MAN2B1: variants seen among roughly 807,000 people sequenced by gnomAD.
The protein encoded by MAN2B1 is lysosomal alpha-mannosidase.
A neutral mutation model predicts 127.5 loss-of-function variants in MAN2B1; 99 were observed. The ratio of observed to expected loss-of-function variants is 0.78; its 90% CI spans 0.66 to 0.92. The LOEUF (loss-of-function observed/expected upper bound fraction) is 0.92. Among genes scored for constraint, MAN2B1 ranks in the 40% least tolerant of loss-of-function variants. The pLI is 0.00. For missense variants in MAN2B1, 1,304 were observed against 1,384.8 expected (o/e 0.94, Z 0.93); for synonymous variants, 573 against 568.8 (o/e 1.01, Z -0.11).
In MAN2B1 at chr19:12,664,773, G is replaced by A; in HGVS notation, c.630+19C>T. On this transcript the variant is annotated intron_variant, in intron 4 of 23. Transcript: ENST00000456935. ...AGAGTGAGTGAAGAAGTGGGCCCAA[G>A]AGAGGTCCCGGGTCGCACCTGCGCA... The A allele has an allele frequency of 1.2e-6, 2 of 1,608,520 alleles. No individual in the cohort carries two copies. The highest frequency in any genetic ancestry group is 2.2e-5 in the South Asian group (2 of 90,366).
chr19:12,648,891 A>C (rs545378214), intron 20 of MAN2B1, among the ~76,000 whole-genome samples: 1 of 152,210 alleles, frequency 6.6e-6, no homozygotes, highest in Non-Finnish European at 1.5e-5. Context: ...GCTACTCGGA[A>C]GGCTGAGGCA....
At chr19:12,665,133 A>G in intron 3 of MAN2B1, 148 bp from the exon 4 acceptor site, 1 of 1,024,816 alleles carries the variant, frequency 9.8e-7, no homozygotes, top group African/African-American at 1.6e-5. Context: ...GTTCCCAGAT[A>G]TGGGAAAGAG....
chr19:12,649,356 G>A lies in MAN2B1; in HGVS notation c.2340C>T (p.Thr780=), dbSNP rs767516712. The A allele has an allele frequency of 6.2e-7, 1 of 1,613,678 alleles. No individual in the cohort carries two copies. Among genetic ancestry groups the A allele is most frequent in the South Asian group, 1.1e-5 (1 of 91,026 alleles). ...PVAGNYYPVN[T]RIYITDGNMQ... is the part of the protein sequence containing the mutation. ...GGAGAGCTACCGTGATGTAAATCCG[G>A]GTGTTGACTGGATAGTAGTTTCCTG... The change falls in exon 19 of 24, where the codon ACC becomes ACT. Residue 780 remains threonine (T), a synonymous_variant. Transcript: ENST00000456935.
intron 13 of MAN2B1, chr19:12,656,356 CAAAAAAA>C: frequency 2.6e-6 from 1 of 389,632 alleles, no homozygotes; most frequent in Non-Finnish European, 4.4e-6. Flanking sequence ...GACTCCGTCT[CAAAAAAA>C]AAAAAAAAAG....
At chr19:12,654,150 C>T (rs552556494) in intron 14 of MAN2B1, among the ~76,000 whole-genome samples, 135 of 151,462 alleles carry the variant, frequency 8.9e-4, no homozygotes, top group African/African-American at 3.1e-3. Context: ...TCACGCCATT[C>T]TCCTGCCTCA....
chr19:12,666,503 C>T (rs2024245908), intron 1 of MAN2B1, 40 bp downstream of exon 1: 1 of 1,558,998 alleles, frequency 6.4e-7, no homozygotes, highest in African/African-American at 1.4e-5. Context: ...CTGGGTTTCA[C>T]TCTGCCTCCT....
intron 13 of MAN2B1, 115 bp downstream of exon 13, chr19:12,656,456 G>A (rs2023960183): frequency 2.7e-6 from 2 of 750,032 alleles, no homozygotes; most frequent in Admixed American, 1.8e-5. Context: ...GAGGGGGGAA[G>A]AGATATGCAT....
At chr19:12,656,536 G>T in intron 13 of MAN2B1, 35 bp downstream of exon 13, 2 of 1,470,368 alleles carry the variant, frequency 1.4e-6, no homozygotes, top group Non-Finnish European at 1.9e-6. Context: ...TGGGGGAGGA[G>T]TCCCAGCGGG....
At chr19:12,650,313 T>TA (rs1216959377) in intron 16 of MAN2B1, 91 bp from the exon 17 acceptor site, 6 of 808,008 alleles carry the variant, frequency 7.4e-6, no homozygotes, top group Non-Finnish European at 1.3e-5. Flanking sequence ...TAAACCCCAT[T>TA]AAGGCCTACA....
At position 12,653,601 on chromosome 19, in the gene MAN2B1, T is replaced by TA. The variant is rs895032493; in HGVS notation, c.1831-1142dup. Among the ~76,000 whole-genome samples, 172 of 146,926 alleles carry TA rather than the reference T, an allele frequency of 1.2e-3. 1 individual carries two copies. Among genetic ancestry groups the TA allele is most frequent in the African/African-American group, 3.2e-3 (131 of 40,400 alleles). On this transcript the variant is annotated intron_variant, in intron 14 of 23. Transcript: ENST00000456935. ...TAGTGAAACTCCATCTCTACTAAATTAAAAAAAAAAAAATTTAAATTTGTT... is the reference window on the plus strand; with the variant it reads ...TAGTGAAACTCCATCTCTACTAAATTAAAAAAAAAAAAAATTTAAATTTGTT...
chr19:12,657,954 CAAAAAAA>C (rs35296973), intron 10 of MAN2B1, 102 bp downstream of exon 10: 1,841 of 483,214 alleles, frequency 3.8e-3, no homozygotes, highest in Middle Eastern at 8.2e-3. Flanking sequence ...GACTCCGTCT[CAAAAAAA>C]AAAAAAAAAA....
At position 12,666,560 on chromosome 19, in the gene MAN2B1, G is replaced by C. The variant is rs762092637; in HGVS notation, c.142C>G (p.Arg48Gly). 1.9e-6 allele frequency: 3 copies of C among 1,585,642 alleles called. No individual in the cohort carries two copies. Among genetic ancestry groups the C allele is most frequent in the Admixed American group, 3.6e-5 (2 of 55,140 alleles). The change falls in exon 1 of 24, where the codon CGG becomes GGG. Residue 48 changes from arginine to glycine, a missense_variant. Arg to Gly is a moderately radical substitution (Grantham distance 125). Transcript: ENST00000456935. ...CCACTCACCTCGTATCCCCCGGCCC[G>C]AGCACCGGCAGCCGCCAGCAACAAA... ...FLLLLAAAGA[R>G]AGGYETCPTV...
intron 14 of MAN2B1, 82 bp from the exon 15 acceptor site, chr19:12,652,542 T>TC (rs1218388693): frequency 3.9e-6 from 4 of 1,035,412 alleles, no homozygotes; most frequent in Non-Finnish European, 5.8e-6. Context: ...TTTTCTTTTT[T>TC]TTTTTTTGAG....
At chr19:12,650,715 G>T (rs891683653) in intron 16 of MAN2B1, among the ~76,000 whole-genome samples, 1 of 148,442 alleles carries the variant, frequency 6.7e-6, no homozygotes, top group Admixed American at 6.8e-5. Context: ...TTGTTGCCCA[G>T]GATGGAGTGC....
Position 12,665,419 on chromosome 19 carries a change from G to A in MAN2B1, c.369C>T (p.Phe123=). 6.2e-7 allele frequency: 1 copy of A among 1,613,396 alleles called. No homozygotes were observed. The highest frequency in any genetic ancestry group is 8.5e-7 in the Non-Finnish European group (1 of 1,180,026). ...TRRFIYVEIA[F]FSRWWHQQTN... Reference sequence around the variant, plus strand: ...TCTGCTGGTGCCACCAACGGGAGAAGAAGGCAATCTCCACGTAAATGAAGC... The same window carrying A: ...TCTGCTGGTGCCACCAACGGGAGAAAAAGGCAATCTCCACGTAAATGAAGC... Residue 123 remains phenylalanine (F), a synonymous_variant, in exon 3 of 24, where the codon TTC becomes TTT. Transcript: ENST00000456935.
chr19:12,658,755 A>G (rs750460146), intron 7 of MAN2B1: 7 of 549,452 alleles, frequency 1.3e-5, no homozygotes, highest in Admixed American at 9.3e-5. Flanking sequence ...AACTTTTACA[A>G]TAATTCCAAC....
Position 12,652,137 on chromosome 19 carries a change from A to G in MAN2B1, c.2046+16T>C. 6.2e-7 allele frequency: 1 copy of G among 1,602,582 alleles called. No individual in the cohort carries two copies. Among genetic ancestry groups the G allele is most frequent in the South Asian group, 1.1e-5 (1 of 90,748 alleles). ...CCCCATTCCCAACTGCCCACTCATCATTCCTAGTCCCTGACCTTCACCAGG... is the reference window on the plus strand; with the variant it reads ...CCCCATTCCCAACTGCCCACTCATCGTTCCTAGTCCCTGACCTTCACCAGG... On this transcript the variant is annotated intron_variant, in intron 16 of 23. Coordinates refer to ENST00000456935, the MANE Select transcript of MAN2B1 (RefSeq NM_000528.4).
Position 12,647,397 on chromosome 19 carries a change from C to A in MAN2B1, c.2820+46G>T. On this transcript the variant is annotated intron_variant, in intron 22 of 23. Coordinates refer to ENST00000456935, the MANE Select transcript of MAN2B1 (RefSeq NM_000528.4). The surrounding 1 kb of genome is among the most constrained non-coding windows in gnomAD (Gnocchi z 4.9). The stretch of plus-strand genomic sequence containing the variant: ...AAAGCCAGGTTTCTCTTCTCTCCCT[C>A]TCTCTTGCCTCTCTCCGATCTCCTT... 1 of 1,612,684 alleles carries A rather than the reference C, an allele frequency of 6.2e-7. No individual in the cohort carries two copies. Among genetic ancestry groups the A allele is most frequent in the Non-Finnish European group, 8.5e-7 (1 of 1,178,616 alleles).
At chr19:12,659,045 G>A (rs971730280) in intron 7 of MAN2B1, 1 of 197,130 alleles carries the variant, frequency 5.1e-6, no homozygotes, top group African/African-American at 2.4e-5. Flanking sequence ...TTTTAGTAGA[G>A]ACGGAGTTTC....
Sources: gnomAD v4.1 joint callset for allele counts (sites outside exome capture counted in the v4.1 genomes callset) on GRCh38, gnomAD v4.1.1 for gene constraint, Gnocchi (gnomAD v3.1) non-coding constraint, MANE v1.5 for transcripts, NCBI Gene and HGNC (gene_info 2026-07-23, HGNC 2026-07-21) for gene names.